MACROD1: variants seen among roughly 807,000 people sequenced by gnomAD.
MACROD1 encodes the protein mono-ADP ribosylhydrolase 1.
MACROD1 carries 31 observed loss-of-function variants against 41.4 expected under a neutral mutation model. The ratio of observed to expected loss-of-function variants is 0.75; its 90% confidence interval spans 0.56 to 1.01. MACROD1 has a LOEUF of 1.01. Among genes scored for constraint, MACROD1 ranks in the 50% least tolerant of loss-of-function variants. MACROD1 has a pLI of 0.00. For synonymous variants in MACROD1, 252 were observed against 203.4 expected (o/e 1.24, Z -2.03); for missense variants, 473 against 460.0 (o/e 1.03, Z -0.26).
At chr11:64,001,163 A>G (rs942420789) in intron 4 of MACROD1, 17 of 493,022 alleles carry the variant, frequency 3.4e-5, no homozygotes, top group Non-Finnish European at 5.8e-5. Flanking sequence ...CAGCAGCCCA[A>G]CCTCGCCAGG....
intron 3 of MACROD1, among the ~76,000 whole-genome samples, chr11:64,095,828 G>A (rs1190592007): frequency 1.3e-5 from 2 of 152,234 alleles, no homozygotes; most frequent in Non-Finnish European, 2.9e-5. Flanking sequence ...CCAAGTCAGG[G>A]GTTGAGACCT....
chr11:64,060,904 T>C (rs1378901712), intron 3 of MACROD1, among the ~76,000 whole-genome samples: 1 of 151,912 alleles, frequency 6.6e-6, no homozygotes, highest in African/African-American at 2.4e-5. Context: ...CCGAGGCTCT[T>C]TGCATATTCA....
intron 8 of MACROD1, 55 bp downstream of exon 8, chr11:63,999,276 G>C: frequency 6.6e-7 from 1 of 1,526,234 alleles, no homozygotes; most frequent in Non-Finnish European, 8.8e-7. Context: ...GATGATGGGG[G>C]CTGGTCACTC....
In MACROD1 at chr11:64,067,297, G is replaced by T. The variant is rs1944022253; in HGVS notation, c.518-52016C>A. Among the ~76,000 whole-genome samples the T allele has an allele frequency of 1.3e-5, 2 of 152,134 alleles. No homozygotes were observed. The highest frequency in any genetic ancestry group is 4.1e-4 in the South Asian group (2 of 4,830). On this transcript the variant is annotated intron_variant, in intron 3 of 10. Coordinates refer to ENST00000255681, the MANE Select transcript of MACROD1 (RefSeq NM_014067.4). This position sits in a 1 kb window ranked among gnomAD's most constrained non-coding sequence, Gnocchi z 4.6. ...GAAGGAGCATCATTAACACGACATGGCCTCCTCCCCACTGCTCAGCCTCTC... is the reference window on the plus strand; with the variant it reads ...GAAGGAGCATCATTAACACGACATGTCCTCCTCCCCACTGCTCAGCCTCTC...
intron 3 of MACROD1, among the ~76,000 whole-genome samples, chr11:64,139,913 G>A (rs1433517891): frequency 3.3e-5 from 5 of 149,576 alleles, no homozygotes; most frequent in East Asian, 2.0e-4. Context: ...CCGAGATCAC[G>A]CCACTGCACT....
chr11:64,074,652 C>T (rs1944169672), intron 3 of MACROD1, among the ~76,000 whole-genome samples: 1 of 152,242 alleles, frequency 6.6e-6, no homozygotes, highest in Admixed American at 6.5e-5. Flanking sequence ...GCCCTTACAG[C>T]ATGTCCAAGT....
At chr11:64,123,077 A>C (rs1008311094) in intron 3 of MACROD1, among the ~76,000 whole-genome samples, 8 of 151,928 alleles carry the variant, frequency 5.3e-5, no homozygotes, top group African/African-American at 1.9e-4. Context: ...GCAAAGAGGG[A>C]GCAAAGGGGC....
In MACROD1 at chr11:64,165,924, G is replaced by C. The variant is rs1945837191; in HGVS notation, c.71C>G (p.Pro24Arg). 1 of 1,326,510 alleles carries C rather than the reference G, an allele frequency of 7.5e-7. No individual in the cohort carries two copies. The highest frequency in any genetic ancestry group is 9.6e-7 in the Non-Finnish European group (1 of 1,045,112). The allele number at this position is 1,326,510 out of a possible 1,614,324, so 82.2% of individuals were successfully genotyped here. Residue 24 changes from proline to arginine, a missense_variant, in exon 1 of 11, where the codon CCG (proline) becomes CGG (arginine). Coordinates refer to ENST00000255681, the MANE Select transcript of MACROD1 (RefSeq NM_014067.4). Reference protein sequence around the residue: ...LRAAGQLLVPPRPRPGHLAGA... With the variant: ...LRAAGQLLVPRRPRPGHLAGA... ...CGCCAAGTGTCCGGGCCGGGGGCGCGGGGGGACGAGCAGCTGCCCCGCCGC... is the reference window on the plus strand; with the variant it reads ...CGCCAAGTGTCCGGGCCGGGGGCGCCGGGGGACGAGCAGCTGCCCCGCCGC...
At chr11:64,163,400 A>G (rs778788883) in intron 1 of MACROD1, among the ~76,000 whole-genome samples, 1 of 152,246 alleles carries the variant, frequency 6.6e-6, no homozygotes, top group Non-Finnish European at 1.5e-5. Flanking sequence ...GAGTATGGCC[A>G]GACTCCCTGA....
intron 1 of MACROD1, among the ~76,000 whole-genome samples, 166 bp downstream of exon 1, chr11:64,165,531 G>C (rs557528866): frequency 6.6e-6 from 1 of 151,694 alleles, no homozygotes; most frequent in East Asian, 2.0e-4. Context: ...CGCGGGGGCG[G>C]GGGGGGCTGT....
At chr11:64,026,471 G>A (rs1943225725) in intron 3 of MACROD1, among the ~76,000 whole-genome samples, 1 of 152,180 alleles carries the variant, frequency 6.6e-6, no homozygotes, top group Non-Finnish European at 1.5e-5. Context: ...ATGCACACAT[G>A]CACCAGAATT....
chr11:64,097,384 A>G (rs1944595791), intron 3 of MACROD1, among the ~76,000 whole-genome samples: 1 of 152,200 alleles, frequency 6.6e-6, no homozygotes. Flanking sequence ...GGAAGAAAAT[A>G]AAGAAGGGGA....
chr11:64,126,301 C>T (rs151318866), intron 3 of MACROD1, among the ~76,000 whole-genome samples: 11 of 152,254 alleles, frequency 7.2e-5, no homozygotes, highest in East Asian at 5.8e-4. Context: ...GGAAGCCACA[C>T]GGCCCAGCGC....
rs1294151861 is a variant in MACROD1, at chr11:64,122,152, T to A, written c.517+29087A>T. ...AAATCTATTAATTAGTCATACTCAA[T>A]TCCACAGACATGATGTGCATCAAAA... On this transcript the variant is annotated intron_variant, in intron 3 of 10. Coordinates refer to ENST00000255681, the MANE Select transcript of MACROD1 (RefSeq NM_014067.4). This position sits in a 1 kb window ranked among gnomAD's most constrained non-coding sequence, Gnocchi z 4.0. Among the ~76,000 whole-genome samples, 1 of 152,214 alleles carries A rather than the reference T, an allele frequency of 6.6e-6. No individual in the cohort carries two copies. The highest frequency in any genetic ancestry group is 1.5e-5 in the Non-Finnish European group (1 of 68,040).
rs1305704524 is a variant in MACROD1, at chr11:64,146,734, A to G, written c.517+4505T>C. 6.6e-6 allele frequency among the ~76,000 whole-genome samples: 1 copy of G among 151,910 alleles called. No individual in the cohort carries two copies. Among genetic ancestry groups the G allele is most frequent in the Non-Finnish European group, 1.5e-5 (1 of 67,980 alleles). On this transcript the variant is annotated intron_variant, in intron 3 of 10. Coordinates refer to ENST00000255681, the MANE Select transcript of MACROD1 (RefSeq NM_014067.4). The surrounding 1 kb of genome is among the most constrained non-coding windows in gnomAD (Gnocchi z 4.7). ...CCATCACCCACACCCCATGCATCAC[A>G]CAAGCACAGACACACACACATCACG... is the stretch of plus-strand genomic sequence containing the variant.
chr11:63,999,823 TC>T, intron 5 of MACROD1, 60 bp from the exon 6 acceptor site: 2 of 1,549,712 alleles, frequency 1.3e-6, no homozygotes, highest in Non-Finnish European at 1.7e-6. Flanking sequence ...CTCCCTCGCT[TC>T]CCCCTGCCGG....
At chr11:64,132,961 C>T (rs1349946535) in intron 3 of MACROD1, among the ~76,000 whole-genome samples, 2 of 152,200 alleles carry the variant, frequency 1.3e-5, no homozygotes, top group Non-Finnish European at 2.9e-5. Context: ...CAGGTCTGTC[C>T]GGGTTCCCCC....
chr11:64,056,207 A>C (rs1316347400), intron 3 of MACROD1, among the ~76,000 whole-genome samples: 1 of 152,020 alleles, frequency 6.6e-6, no homozygotes, highest in Non-Finnish European at 1.5e-5. Context: ...GTCTTTGCCC[A>C]TTTGGCTTCC....
chr11:64,076,283 A>G (rs1188319923), intron 3 of MACROD1, among the ~76,000 whole-genome samples: 2 of 152,162 alleles, frequency 1.3e-5, no homozygotes, highest in Non-Finnish European at 2.9e-5. Context: ...CCTCCACTGC[A>G]TGGGTCAAAA....
Sources: allele counts gnomAD v4.1 joint callset (sites outside exome capture counted in the v4.1 genomes callset), GRCh38; gene constraint gnomAD v4.1.1; non-coding constraint Gnocchi (gnomAD v3.1); transcripts MANE v1.5; gene names NCBI Gene and HGNC (gene_info 2026-07-23, HGNC 2026-07-21).